Variants in MITF observed in about 807,000 individuals in gnomAD.
MITF encodes the protein microphthalmia-associated transcription factor.
Under a neutral mutation model 60.5 loss-of-function variants are expected in MITF, and 17 were observed. The ratio of observed to expected loss-of-function variants is 0.28; its 90% CI spans 0.19 to 0.42. The LOEUF (loss-of-function observed/expected upper bound fraction) is 0.42, where lower values mean the gene tolerates loss of function less well. Among genes scored for constraint, MITF ranks in the 10% least tolerant of loss-of-function variants. MITF has a pLI of 1.00. For missense variants in MITF, 622 were observed against 683.5 expected, an observed-to-expected ratio of 0.91 and a Z score of 1.00; for synonymous variants, 260 against 248.5, an observed-to-expected ratio of 1.05 and a Z score of -0.43.
At chr3:69,856,979 A>T (rs1269075821) in intron 1 of MITF, among the ~76,000 whole-genome samples, 2 of 151,858 alleles carry the variant, frequency 1.3e-5, no homozygotes, top group Non-Finnish European at 2.9e-5. Flanking sequence ...AAGTCAGATC[A>T]TCGTTAGAGG....
chr3:69,958,326 C>T (rs1389498968), intron 8 of MITF, among the ~76,000 whole-genome samples: 11 of 152,178 alleles, frequency 7.2e-5, no homozygotes, highest in Admixed American at 7.2e-4. Context: ...GTGGGTATCT[C>T]AGGACATTCC....
intron 1 of MITF, among the ~76,000 whole-genome samples, chr3:69,868,670 G>A (rs973303838): frequency 2.0e-5 from 3 of 152,122 alleles, no homozygotes; most frequent in Non-Finnish European, 4.4e-5. Flanking sequence ...GGAGGACAAG[G>A]CAGGTGGATC....
intron 1 of MITF, among the ~76,000 whole-genome samples, chr3:69,755,174 G>T (rs764834473): frequency 1.3e-4 from 20 of 152,098 alleles, no homozygotes; most frequent in Non-Finnish European, 2.6e-4. Context: ...CATAATTATA[G>T]ACTATAGCTA....
intron 2 of MITF, among the ~76,000 whole-genome samples, chr3:69,895,007 T>C (rs1446491598): frequency 2.6e-5 from 4 of 152,144 alleles, no homozygotes; most frequent in African/African-American, 9.7e-5. Flanking sequence ...CCAGGGGAAG[T>C]TGTCTTTCTG....
intron 1 of MITF, among the ~76,000 whole-genome samples, chr3:69,819,948 A>T (rs764467586): frequency 3.9e-5 from 6 of 152,136 alleles, no homozygotes; most frequent in Non-Finnish European, 8.8e-5. Context: ...CTGGGTGACA[A>T]GTGAGACTCT....
Position 69,950,448 on chromosome 3 carries a change from T to TTATATATATATA in MITF, c.880+1298_880+1309dup, listed in dbSNP as rs10604038. Reference sequence around the variant, plus strand: ...CAACTGAAAGAATTCAACTTCTGAGTTATATATATATATATATATATATAT... The same window carrying TTATATATATATA: ...CAACTGAAAGAATTCAACTTCTGAGTTATATATATATATATATATATATATATATATATATAT... On this transcript the variant is annotated intron_variant, in intron 6 of 9. Coordinates refer to ENST00000352241, the MANE Select transcript of MITF (RefSeq NM_001354604.2). Among the ~76,000 whole-genome samples the TTATATATATATA allele has an allele frequency of 1.1e-3, 143 of 130,770 alleles. 2 individuals are homozygous for TTATATATATATA. The highest frequency in any genetic ancestry group is 3.3e-3 in the South Asian group (13 of 3,912). The allele number at this position is 130,770 out of a possible 152,430, so 85.8% of individuals were successfully genotyped here.
chr3:69,832,333 C>T (rs1001083875), intron 1 of MITF, among the ~76,000 whole-genome samples: 7 of 152,156 alleles, frequency 4.6e-5, no homozygotes, highest in Non-Finnish European at 7.4e-5. Flanking sequence ...TCTGAGGATA[C>T]GAAGTGAAGG....
At chr3:69,845,210 A>G (rs553306363) in intron 1 of MITF, among the ~76,000 whole-genome samples, 1 of 152,032 alleles carries the variant, frequency 6.6e-6, no homozygotes, top group Non-Finnish European at 1.5e-5. Flanking sequence ...GTGCTTTTTC[A>G]TAAATTGCTT....
chr3:69,845,593 T>C (rs186435389), intron 1 of MITF, among the ~76,000 whole-genome samples: 4 of 152,288 alleles, frequency 2.6e-5, no homozygotes, highest in African/African-American at 9.6e-5. Flanking sequence ...CAATTTGGGA[T>C]TTCCATATCT....
chr3:69,778,038 T>C (rs2062502542), intron 1 of MITF, among the ~76,000 whole-genome samples: 1 of 151,856 alleles, frequency 6.6e-6, no homozygotes, highest in African/African-American at 2.4e-5. Flanking sequence ...AGAGCTGGGG[T>C]CACTCGGGAC....
intron 2 of MITF, among the ~76,000 whole-genome samples, chr3:69,901,774 T>G (rs2065000250): frequency 6.6e-6 from 1 of 152,196 alleles, no homozygotes; most frequent in African/African-American, 2.4e-5. Flanking sequence ...CAGAAAGACT[T>G]GGGCAGTACT....
At chr3:69,861,971 T>G (rs71298318) in intron 1 of MITF, among the ~76,000 whole-genome samples, 6 of 152,002 alleles carry the variant, frequency 3.9e-5, no homozygotes, top group Non-Finnish European at 8.8e-5. Flanking sequence ...ACTTCTTTAT[T>G]CAATAAATAA....
At chr3:69,756,383 G>A (rs905826904) in intron 1 of MITF, among the ~76,000 whole-genome samples, 1 of 152,152 alleles carries the variant, frequency 6.6e-6, no homozygotes, top group East Asian at 1.9e-4. Flanking sequence ...AACATGCAGT[G>A]TTTGGTTTTC....
chr3:69,808,234 A>T (rs867336403), intron 1 of MITF, among the ~76,000 whole-genome samples: 184 of 151,870 alleles, frequency 1.2e-3, no homozygotes, highest in African/African-American at 4.2e-3. Context: ...TTGTAAAAGT[A>T]TTTACAGGGG....
At chr3:69,951,238 A>G (rs911192928) in intron 6 of MITF, among the ~76,000 whole-genome samples, 1 of 151,472 alleles carries the variant, frequency 6.6e-6, no homozygotes, top group Non-Finnish European at 1.5e-5. Context: ...TGGGACTGCA[A>G]GCATGCACCA....
intron 6 of MITF, among the ~76,000 whole-genome samples, 181 bp downstream of exon 6, chr3:69,949,349 T>G (rs1559742722): frequency 6.6e-6 from 1 of 152,210 alleles, no homozygotes; most frequent in Admixed American, 6.5e-5. Context: ...TTGAAAATTC[T>G]GTTTTTTTTC....
intron 1 of MITF, among the ~76,000 whole-genome samples, chr3:69,825,290 T>TTATA (rs2063336793): frequency 6.6e-6 from 1 of 152,196 alleles, no homozygotes; most frequent in African/African-American, 2.4e-5. Context: ...GTATGTGCTA[T>TTATA]TATATATTTC....
At chr3:69,938,351 GT>G in intron 3 of MITF, 1 of 1,572,002 alleles carries the variant, frequency 6.4e-7, no homozygotes, top group Admixed American at 1.9e-5. Context: ...ATGCCTTTCA[GT>G]TTATGAAGCA....
chr3:69,942,357 G>C (rs989686465), intron 5 of MITF, among the ~76,000 whole-genome samples: 1 of 152,074 alleles, frequency 6.6e-6, no homozygotes, highest in African/African-American at 2.4e-5. Context: ...TTTTTTAAAG[G>C]TATGACTAAC....
Sources: allele counts gnomAD v4.1 joint callset (sites outside exome capture counted in the v4.1 genomes callset), GRCh38; gene constraint gnomAD v4.1.1; transcripts MANE v1.5; gene names NCBI Gene and HGNC (gene_info 2026-07-23, HGNC 2026-07-21).